Variants in FBXO42 observed in about 807,000 individuals in gnomAD.
FBXO42 encodes F-box only protein 42.
FBXO42 carries 12 observed loss-of-function variants against 71.7 expected under a neutral mutation model. That is an observed-to-expected ratio of 0.17 (90% CI 0.11 to 0.27). The LOEUF (loss-of-function observed/expected upper bound fraction) is 0.27. FBXO42 is among the 10% of genes least tolerant of loss of function. FBXO42 has a pLI of 1.00. For missense variants in FBXO42, 707 were observed against 911.9 expected (o/e 0.78, Z 2.89); for synonymous variants, 325 against 327.5 (o/e 0.99, Z 0.08).
At chr1:16,291,146 C>T (rs1465844492) in intron 4 of FBXO42, among the ~76,000 whole-genome samples, 1 of 152,154 alleles carries the variant, frequency 6.6e-6, no homozygotes, top group Non-Finnish European at 1.5e-5. Flanking sequence ...AACCTCACAA[C>T]TGACAGTGCC....
chr1:16,278,248 C>T (rs904177873), intron 4 of FBXO42, among the ~76,000 whole-genome samples: 21 of 148,626 alleles, frequency 1.4e-4, no homozygotes, highest in African/African-American at 2.2e-4. Flanking sequence ...CCCAGCTACT[C>T]GGGAGGCTGA....
intron 1 of FBXO42, among the ~76,000 whole-genome samples, chr1:16,317,059 T>A (rs1029824130): frequency 1.3e-5 from 2 of 152,110 alleles, no homozygotes; most frequent in African/African-American, 2.4e-5. Flanking sequence ...GGCGGGCGGA[T>A]CACCTGAGGT....
chr1:16,318,396 C>T (rs557152510), intron 1 of FBXO42, among the ~76,000 whole-genome samples: 4 of 151,904 alleles, frequency 2.6e-5, no homozygotes, highest in South Asian at 2.1e-4. Flanking sequence ...CCAGCCTGGG[C>T]GACAGAGCAA....
intron 1 of FBXO42, among the ~76,000 whole-genome samples, chr1:16,329,003 A>C (rs1173555317): frequency 6.6e-6 from 1 of 151,850 alleles, no homozygotes; most frequent in Non-Finnish European, 1.5e-5. Context: ...TCTCTACTAA[A>C]AATACAAAAA....
At chr1:16,349,161 A>C (rs998519018) in intron 1 of FBXO42, among the ~76,000 whole-genome samples, 4 of 152,296 alleles carry the variant, frequency 2.6e-5, no homozygotes, top group South Asian at 4.1e-4. Context: ...ATTTTTTTTC[A>C]AGTTTTTATA....
chr1:16,250,822 T>G lies in FBXO42; in HGVS notation c.2002A>C (p.Ser668Arg). 1 of 1,614,154 alleles carries G rather than the reference T, an allele frequency of 6.2e-7. No individual in the cohort carries two copies. ...GRVKWKVFNS[S>R]SVVGPPETSL... The stretch of plus-strand genomic sequence containing the variant: ...GTTTCAGGAGGTCCAACCACAGAAC[T>G]GCTATTAAATACTTTCCATTTGACC... The change falls in exon 10 of 10, where the codon AGT becomes CGT. Residue 668 changes from serine (S) to arginine (R), a missense_variant. This residue lies in a region of FBXO42 where 482 missense variants were observed against 587.1 expected (regional missense o/e 0.82). Coordinates refer to ENST00000375592, the MANE Select transcript of FBXO42 (RefSeq NM_018994.3). The surrounding 1 kb of genome is among the most constrained non-coding windows in gnomAD (Gnocchi z 4.7).
chr1:16,256,113 C>T (rs2081641171), intron 5 of FBXO42, among the ~76,000 whole-genome samples: 3 of 152,232 alleles, frequency 2.0e-5, no homozygotes, highest in Non-Finnish European at 4.4e-5. Flanking sequence ...CACCACCTGC[C>T]ACCTGCTACC....
At chr1:16,287,109 A>G (rs1382811136) in intron 4 of FBXO42, among the ~76,000 whole-genome samples, 1 of 152,128 alleles carries the variant, frequency 6.6e-6, no homozygotes, top group Non-Finnish European at 1.5e-5. Flanking sequence ...TATGTGATAC[A>G]TCCCTTTCAT....
chr1:16,326,953 T>G (rs775504044), intron 1 of FBXO42, among the ~76,000 whole-genome samples: 2 of 152,146 alleles, frequency 1.3e-5, no homozygotes, highest in Non-Finnish European at 2.9e-5. Flanking sequence ...TCCCAAAAGG[T>G]GTCAACCAGG....
chr1:16,298,794 G>C (rs898678134), intron 3 of FBXO42, among the ~76,000 whole-genome samples: 1 of 152,022 alleles, frequency 6.6e-6, no homozygotes, highest in African/African-American at 2.4e-5. Flanking sequence ...ATAGGCGTGA[G>C]CCACCGCGCC....
chr1:16,347,030 C>A (rs986408128), intron 1 of FBXO42, among the ~76,000 whole-genome samples: 1 of 151,802 alleles, frequency 6.6e-6, no homozygotes, highest in African/African-American at 2.4e-5. Context: ...TAGGCATGAG[C>A]CACCGCACCC....
chr1:16,324,854 A>G (rs1387515312), intron 1 of FBXO42, among the ~76,000 whole-genome samples: 1 of 152,168 alleles, frequency 6.6e-6, no homozygotes, highest in Non-Finnish European at 1.5e-5. Flanking sequence ...AAGAAGAGGT[A>G]GAATTTCAGA....
chr1:16,315,491 T>A (rs2082355188), intron 1 of FBXO42, 56 bp from the exon 2 acceptor site: 1 of 1,534,778 alleles, frequency 6.5e-7, no homozygotes, highest in Non-Finnish European at 8.8e-7. Flanking sequence ...TCAAAAACAA[T>A]TCAGGCATGT....
chr1:16,267,810 G>A (rs561396228), intron 4 of FBXO42, among the ~76,000 whole-genome samples: 3 of 152,156 alleles, frequency 2.0e-5, no homozygotes, highest in Admixed American at 2.0e-4. Context: ...CATTCTATGG[G>A]TCATTTATGA....
intron 4 of FBXO42, among the ~76,000 whole-genome samples, chr1:16,290,806 C>T (rs1009845529): frequency 6.6e-6 from 1 of 152,124 alleles, no homozygotes; most frequent in Non-Finnish European, 1.5e-5. Flanking sequence ...GCCAACGATG[C>T]CAGATTCTCA....
chr1:16,316,008 T>C (rs2082359928), intron 1 of FBXO42, among the ~76,000 whole-genome samples: 1 of 151,700 alleles, frequency 6.6e-6, no homozygotes, highest in African/African-American at 2.4e-5. Context: ...CCGTCTCTAC[T>C]AAAAATTGAA....
At chr1:16,264,331 G>A (rs1017819246) in intron 4 of FBXO42, among the ~76,000 whole-genome samples, 3 of 152,190 alleles carry the variant, frequency 2.0e-5, no homozygotes, top group Non-Finnish European at 2.9e-5. Flanking sequence ...ATATTCGATA[G>A]TTAAAAAGGC....
At chr1:16,308,329 C>A (rs144085406) in intron 2 of FBXO42, among the ~76,000 whole-genome samples, 1 of 152,230 alleles carries the variant, frequency 6.6e-6, no homozygotes, top group Non-Finnish European at 1.5e-5. Context: ...GCAGAAAAGA[C>A]AGCCTTTTGC....
chr1:16,271,358 G>A (rs1180423560), intron 4 of FBXO42, among the ~76,000 whole-genome samples: 1 of 150,784 alleles, frequency 6.6e-6, no homozygotes, highest in African/African-American at 2.4e-5. Context: ...TCAGCTCACT[G>A]CAACCTTCGC....
Sources: gnomAD v4.1 joint callset for allele counts (sites outside exome capture counted in the v4.1 genomes callset) on GRCh38, gnomAD v4.1.1 for gene constraint, gnomAD v4.1.1 regional missense constraint, Gnocchi (gnomAD v3.1) non-coding constraint, MANE v1.5 for transcripts, NCBI Gene and HGNC (gene_info 2026-07-23, HGNC 2026-07-21) for gene names.